Variants in MACROD2 observed in about 807,000 individuals in gnomAD.
MACROD2 encodes mono-ADP ribosylhydrolase 2, also known as ADP-ribose glycohydrolase MACROD2.
In MACROD2, 36 loss-of-function variants were observed where a neutral mutation model predicts 70.4. That is an observed-to-expected ratio of 0.51 (90% CI 0.39 to 0.68). MACROD2 has a LOEUF of 0.68. Ranked by LOEUF, MACROD2 falls within the 30% of genes least tolerant of loss-of-function variation. The probability of loss-of-function intolerance (pLI) is 0.00; values close to 1 mark genes in which losing one functional copy is unlikely to be tolerated. For synonymous variants in MACROD2, 172 were observed against 178.8 expected (o/e 0.96, Z 0.30); for missense variants, 496 against 538.4 (o/e 0.92, Z 0.78).
At chr20:15,727,857 CAT>C (rs1382335862) in intron 8 of MACROD2, among the ~76,000 whole-genome samples, 1 of 152,054 alleles carries the variant, frequency 6.6e-6, no homozygotes, top group Non-Finnish European at 1.5e-5. Context: ...GGTATAGAGT[CAT>C]ATATTTTGCA....
rs190349357 is a variant in MACROD2 at position 14,892,163 on chromosome 20, A to C, written c.418+207204A>C. On this transcript the variant is annotated intron_variant, in intron 5 of 17. Coordinates refer to ENST00000684519, the MANE Select transcript of MACROD2 (RefSeq NM_001351661.2). Reference sequence around the variant, plus strand: ...ATGTCTTTTTGCATATTCAATAGTTATTTCTTTATATTAAATTTCTAAATG... The same window carrying C: ...ATGTCTTTTTGCATATTCAATAGTTCTTTCTTTATATTAAATTTCTAAATG... 8.8e-4 allele frequency among the ~76,000 whole-genome samples: 134 copies of C among 152,216 alleles called. 1 individual carries two copies. The highest frequency in any genetic ancestry group is 3.0e-3 in the African/African-American group (126 of 41,546).
At chr20:15,602,472 A>G (rs928640427) in intron 8 of MACROD2, among the ~76,000 whole-genome samples, 9 of 152,146 alleles carry the variant, frequency 5.9e-5, no homozygotes, top group African/African-American at 1.2e-4. Flanking sequence ...TTCTGCATGC[A>G]TATCTTCATT....
chr20:15,452,737 GT>G (rs2043791669), intron 7 of MACROD2, among the ~76,000 whole-genome samples: 1 of 152,156 alleles, frequency 6.6e-6, no homozygotes, highest in Admixed American at 6.5e-5. Flanking sequence ...TTGTGGGTAG[GT>G]GGTGGAATGT....
At chr20:14,238,274 A>G (rs1427659010) in intron 3 of MACROD2, among the ~76,000 whole-genome samples, 1 of 152,238 alleles carries the variant, frequency 6.6e-6, no homozygotes, top group Non-Finnish European at 1.5e-5. Context: ...TATTTATTAC[A>G]TAAACAGAAC....
At chr20:14,983,269 G>C (rs984496975) in intron 5 of MACROD2, among the ~76,000 whole-genome samples, 1 of 152,130 alleles carries the variant, frequency 6.6e-6, no homozygotes, top group Non-Finnish European at 1.5e-5. Context: ...TAGGCAGAAG[G>C]GACTTGCCTT....
intron 2 of MACROD2, among the ~76,000 whole-genome samples, chr20:14,011,710 T>C (rs1217128495): frequency 6.6e-6 from 1 of 152,044 alleles, no homozygotes; most frequent in Non-Finnish European, 1.5e-5. Flanking sequence ...TTGTATTTTT[T>C]AGTAGAGACA....
chr20:14,909,129 TAAG>T lies in MACROD2; in HGVS notation c.418+224175_418+224177del, dbSNP rs764197882. On this transcript the variant is annotated intron_variant, in intron 5 of 17. Coordinates refer to ENST00000684519, the MANE Select transcript of MACROD2 (RefSeq NM_001351661.2). ...ATCTTAGTGGTGAAAGAGCGTAAAT[TAAG>T]AAGAGTTAGAGGCATCAGACTGGAA... Among the ~76,000 whole-genome samples, 3 of 152,274 alleles carry T rather than the reference TAAG, an allele frequency of 2.0e-5. No homozygotes were observed. The East Asian group carries it at 5.8e-4, about 29-fold the overall frequency.
intron 5 of MACROD2, among the ~76,000 whole-genome samples, chr20:14,693,435 T>C (rs1303265323): frequency 6.6e-6 from 1 of 152,186 alleles, no homozygotes. Context: ...AATACATTTA[T>C]TGAAATAAGT....
chr20:14,902,491 A>C (rs573903273), intron 5 of MACROD2, among the ~76,000 whole-genome samples: 1 of 152,170 alleles, frequency 6.6e-6, no homozygotes, highest in Non-Finnish European at 1.5e-5. Flanking sequence ...CTTTCAGAAA[A>C]CTAGCATTTA....
intron 5 of MACROD2, among the ~76,000 whole-genome samples, chr20:14,880,100 A>G (rs1244621289): frequency 1.3e-5 from 2 of 152,132 alleles, no homozygotes; most frequent in Non-Finnish European, 2.9e-5. Flanking sequence ...AGCAAATTGT[A>G]TCATGCCCAG....
intron 4 of MACROD2, among the ~76,000 whole-genome samples, chr20:14,536,761 C>T (rs1178664637): frequency 6.6e-6 from 1 of 151,906 alleles, no homozygotes; most frequent in Non-Finnish European, 1.5e-5. Flanking sequence ...TGTTGGAGAA[C>T]AGATCTATTT....
At chr20:15,950,731 A>T (rs1448257593) in intron 12 of MACROD2, among the ~76,000 whole-genome samples, 2 of 152,154 alleles carry the variant, frequency 1.3e-5, no homozygotes, top group African/African-American at 4.8e-5. Context: ...TGATGATATT[A>T]ATAATTGTTC....
intron 9 of MACROD2, 124 bp downstream of exon 9, chr20:15,862,950 A>G: frequency 4.4e-6 from 3 of 685,130 alleles, no homozygotes; most frequent in South Asian, 4.3e-5. Flanking sequence ...AACTTGTATC[A>G]TAGTTTCTAA....
intron 13 of MACROD2, among the ~76,000 whole-genome samples, chr20:15,970,131 T>A (rs1023389270): frequency 2.0e-5 from 3 of 151,996 alleles, no homozygotes; most frequent in Non-Finnish European, 4.4e-5. Flanking sequence ...GGGGGAAAAG[T>A]ATGTTTCAAG....
intron 6 of MACROD2, among the ~76,000 whole-genome samples, chr20:15,315,829 C>G (rs1376052200): frequency 6.6e-6 from 1 of 152,002 alleles, no homozygotes; most frequent in Admixed American, 6.6e-5. Context: ...CTTTTGATTT[C>G]TTATATGATT....
chr20:14,376,529 T>TA (rs887350084), intron 3 of MACROD2, among the ~76,000 whole-genome samples: 1 of 152,004 alleles, frequency 6.6e-6, no homozygotes, highest in Non-Finnish European at 1.5e-5. Flanking sequence ...GGGAGGATCA[T>TA]TGCGCCCTGG....
chr20:14,596,016 T>G (rs922133335), intron 4 of MACROD2, among the ~76,000 whole-genome samples: 1 of 152,146 alleles, frequency 6.6e-6, no homozygotes, highest in Non-Finnish European at 1.5e-5. Context: ...GGTTTAATAT[T>G]AGTGGATCTT....
At chr20:14,079,116 C>A (rs1344711449) in intron 2 of MACROD2, among the ~76,000 whole-genome samples, 1 of 152,170 alleles carries the variant, frequency 6.6e-6, no homozygotes, top group Non-Finnish European at 1.5e-5. Flanking sequence ...CTTTTATTAT[C>A]CACAGATAGT....
At chr20:14,774,378 T>G (rs927173048) in intron 5 of MACROD2, among the ~76,000 whole-genome samples, 1 of 152,066 alleles carries the variant, frequency 6.6e-6, no homozygotes, top group Non-Finnish European at 1.5e-5. Context: ...GCTTTTTAAT[T>G]GCCATATTCA....
Sources: gnomAD v4.1 joint callset for allele counts (sites outside exome capture counted in the v4.1 genomes callset) on GRCh38, gnomAD v4.1.1 for gene constraint, MANE v1.5 for transcripts, NCBI Gene and HGNC (gene_info 2026-07-23, HGNC 2026-07-21) for gene names.